The following ASTN2 variants were observed in gnomAD, a reference collection of about 807,000 sequenced individuals.
ASTN2 encodes the protein astrotactin-2.
A neutral mutation model predicts 139.8 loss-of-function variants in ASTN2; 54 were observed. The observed-to-expected ratio is 0.39, with a 90% CI of 0.31 to 0.48. The LOEUF is 0.48. Among genes scored for constraint, ASTN2 ranks in the 20% least tolerant of loss-of-function variants. ASTN2 has a pLI of 0.95. For missense variants in ASTN2, 1,565 were observed against 1,725.1 expected (o/e 0.91, Z 1.64); for synonymous variants, 756 against 719.5 (o/e 1.05, Z -0.81).
chr9:117,284,582 T>C (rs1407876424), intron 2 of ASTN2, among the ~76,000 whole-genome samples: 1 of 152,196 alleles, frequency 6.6e-6, no homozygotes, highest in Non-Finnish European at 1.5e-5. Flanking sequence ...CTCACAGATA[T>C]CTTGATTTTA....
At chr9:116,751,132 A>G (rs1829387043) in intron 13 of ASTN2, among the ~76,000 whole-genome samples, 1 of 152,172 alleles carries the variant, frequency 6.6e-6, no homozygotes, top group African/African-American at 2.4e-5. Flanking sequence ...AGGCTGTTAA[A>G]TTTCAGGAGC....
chr9:116,646,375 C>T (rs1295818896), intron 17 of ASTN2, among the ~76,000 whole-genome samples: 1 of 152,112 alleles, frequency 6.6e-6, no homozygotes, highest in Non-Finnish European at 1.5e-5. Flanking sequence ...TAGGTCAGGG[C>T]TCTGAAGTGT....
At chr9:117,052,614 A>G (rs1006983560) in intron 5 of ASTN2, among the ~76,000 whole-genome samples, 1 of 152,200 alleles carries the variant, frequency 6.6e-6, no homozygotes, top group African/African-American at 2.4e-5. Flanking sequence ...AGGATGGGTC[A>G]GAAATAGGAG....
intron 5 of ASTN2, among the ~76,000 whole-genome samples, chr9:117,088,232 T>C (rs1354192318): frequency 2.6e-5 from 4 of 152,172 alleles, no homozygotes; most frequent in African/African-American, 4.8e-5. Flanking sequence ...TTTTCCATCA[T>C]TCCTGCACAT....
intron 2 of ASTN2, among the ~76,000 whole-genome samples, chr9:117,274,376 G>A (rs1437423519): frequency 6.6e-6 from 1 of 152,122 alleles, no homozygotes; most frequent in African/African-American, 2.4e-5. Context: ...GGTTGGAACA[G>A]GCCAGAAAAC....
chr9:116,869,204 A>C (rs1833091976), intron 10 of ASTN2, among the ~76,000 whole-genome samples: 1 of 152,110 alleles, frequency 6.6e-6, no homozygotes, highest in Admixed American at 6.5e-5. Flanking sequence ...AGAAAGAAAA[A>C]AAAATGACAG....
At chr9:117,178,388 G>A (rs1220332045) in intron 3 of ASTN2, among the ~76,000 whole-genome samples, 1 of 152,114 alleles carries the variant, frequency 6.6e-6, no homozygotes, top group Non-Finnish European at 1.5e-5. Flanking sequence ...GAAGTGAGTT[G>A]GTTTTTGTGA....
intron 3 of ASTN2, among the ~76,000 whole-genome samples, chr9:117,208,306 T>A (rs1026869985): frequency 5.3e-5 from 8 of 151,704 alleles, no homozygotes; most frequent in African/African-American, 1.9e-4. Flanking sequence ...AAGAGATAGA[T>A]ACCATAAAAA....
At chr9:117,134,291 T>TAG (rs1829897133) in intron 4 of ASTN2, among the ~76,000 whole-genome samples, 1 of 53,638 alleles carries the variant, frequency 1.9e-5, no homozygotes, top group Non-Finnish European at 4.5e-5. Flanking sequence ...TATATATATA[T>TAG]ATATACACAC....
chr9:116,664,820 A>C (rs190252276), intron 16 of ASTN2, among the ~76,000 whole-genome samples: 9 of 152,218 alleles, frequency 5.9e-5, no homozygotes, highest in Admixed American at 4.6e-4. Context: ...GCGAATCTAG[A>C]CTTAATGGTC....
intron 2 of ASTN2, among the ~76,000 whole-genome samples, chr9:117,261,407 G>T (rs76392538): frequency 0.03 from 4,585 of 152,196 alleles, 200 homozygotes; most frequent in African/African-American, 0.1. Flanking sequence ...AATCTGACCT[G>T]GATTTAAATA....
intron 5 of ASTN2, among the ~76,000 whole-genome samples, chr9:117,055,039 A>AT (rs1839018447): frequency 1.3e-5 from 2 of 152,172 alleles, no homozygotes; most frequent in Non-Finnish European, 2.9e-5. Context: ...CTTAGGCTGT[A>AT]TTGCTCACTT....
At chr9:116,610,131 AAAAT>A (rs539291950) in intron 19 of ASTN2, among the ~76,000 whole-genome samples, 131 of 152,328 alleles carry the variant, frequency 8.6e-4, no homozygotes, top group African/African-American at 3.1e-3. Context: ...CATGGACTCT[AAAAT>A]AAATAGTTAA....
intron 19 of ASTN2, among the ~76,000 whole-genome samples, chr9:116,514,652 C>A (rs79671669): frequency 6.6e-6 from 1 of 152,146 alleles, no homozygotes; most frequent in Non-Finnish European, 1.5e-5. Context: ...GTGGGCTTTA[C>A]CCAGTTTGAG....
At chr9:117,273,724 C>T (rs948735837) in intron 2 of ASTN2, among the ~76,000 whole-genome samples, 4 of 152,240 alleles carry the variant, frequency 2.6e-5, no homozygotes, top group African/African-American at 9.6e-5. Context: ...GGATGAAAAA[C>T]GCATTTGCTT....
chr9:116,791,682 G>A (rs992800441), intron 13 of ASTN2, among the ~76,000 whole-genome samples: 17 of 152,176 alleles, frequency 1.1e-4, no homozygotes, highest in African/African-American at 3.4e-4. Flanking sequence ...CTGTTCATAG[G>A]TTCCCTAAGG....
At chr9:116,464,351 ATTTG>A in intron 20 of ASTN2, among the ~76,000 whole-genome samples, 1 of 152,062 alleles carries the variant, frequency 6.6e-6, no homozygotes, top group South Asian at 2.1e-4. Context: ...TGTGAGGATT[ATTTG>A]TTTGCTATTC....
intron 10 of ASTN2, among the ~76,000 whole-genome samples, chr9:116,918,720 CAA>C (rs1424775134): frequency 6.6e-6 from 1 of 152,112 alleles, no homozygotes; most frequent in African/African-American, 2.4e-5. Context: ...ATGATGTTTA[CAA>C]AGACTGTGTA....
At chr9:116,596,658 G>A (rs1854593457) in intron 19 of ASTN2, among the ~76,000 whole-genome samples, 2 of 152,204 alleles carry the variant, frequency 1.3e-5, no homozygotes, top group South Asian at 2.1e-4. Flanking sequence ...AAAAGTAAAT[G>A]AGCAAATATA....
Sources: gnomAD v4.1 joint callset for allele counts (sites outside exome capture counted in the v4.1 genomes callset) on GRCh38, gnomAD v4.1.1 for gene constraint, MANE v1.5 for transcripts, NCBI Gene and HGNC (gene_info 2026-07-23, HGNC 2026-07-21) for gene names.